Variants in PHEX observed in about 807,000 individuals in gnomAD.
PHEX encodes the protein phosphate-regulating neutral endopeptidase PHEX.
In PHEX, 16 loss-of-function variants were observed where a neutral mutation model predicts 68.0. The observed-to-expected ratio is 0.24, with a 90% CI of 0.16 to 0.36. The LOEUF (loss-of-function observed/expected upper bound fraction) is 0.36, where lower values mean the gene tolerates loss of function less well. PHEX is among the 10% of genes least tolerant of loss of function. The pLI, the probability that PHEX is intolerant of heterozygous loss-of-function variation, is 1.00. For missense variants in PHEX, 480 were observed against 575.5 expected (o/e 0.83, Z 1.70); for synonymous variants, 208 against 205.1 (o/e 1.01, Z -0.12).
In PHEX at chrX:22,152,741, T is replaced by TG. The variant is rs958198430; in HGVS notation, c.1405-15567dup. Among the ~76,000 whole-genome samples, 9 of 112,011 alleles carry TG rather than the reference T, an allele frequency of 8.0e-5. No individual in the cohort carries two copies. In the Middle Eastern group the frequency reaches 0.014, roughly 170 times the overall value. ...TTTTGAAGGTGGAAGGGTTATTCAC[T>TG]GGGGAGGTACCCAGGGGAGTCTTCA... On this transcript the variant is annotated intron_variant, in intron 12 of 21. Transcript: ENST00000379374.
intron 12 of PHEX, among the ~76,000 whole-genome samples, chrX:22,136,710 G>C (rs191777825): frequency 4.6e-4 from 51 of 111,824 alleles, no homozygotes; most frequent in African/African-American, 1.6e-3. Context: ...CTTGGCTTTT[G>C]TAGCAATGAC....
intron 3 of PHEX, among the ~76,000 whole-genome samples, chrX:22,055,174 CAAAAAAAAAAAAAAAAAAAAAAA>C (rs111628195): frequency 1.2e-4 from 8 of 66,104 alleles, no homozygotes; most frequent in Admixed American, 2.2e-4. Flanking sequence ...GACTCCAGCT[CAAAAAAAAAAAAAAAAAAAAAAA>C]AAAAAAAAAA....
rs1356031680 is a variant in PHEX at position 22,064,308 on chromosome X, C to A, written c.350-12080C>A. On this transcript the variant is annotated intron_variant, in intron 3 of 21. Transcript: ENST00000379374. ...ACCTCTCCCCTCTTCCCACCCTCCA[C>A]CCTCAAGTAGGCCCCAGTATCTGTT... 6.3e-5 allele frequency among the ~76,000 whole-genome samples: 7 copies of A among 110,979 alleles called. No individual in the cohort carries two copies. The Admixed American group carries it at 6.8e-4, about 11-fold the overall frequency.
At chrX:22,181,415 G>A (rs1481507726) in intron 14 of PHEX, among the ~76,000 whole-genome samples, 1 of 111,638 alleles carries the variant, frequency 9.0e-6, no homozygotes, top group East Asian at 2.8e-4. Context: ...TTTGAGAAAT[G>A]TCTATTCAGA....
At chrX:22,128,485 C>A (rs926247824) in intron 11 of PHEX, among the ~76,000 whole-genome samples, 1 of 110,890 alleles carries the variant, frequency 9.0e-6, no homozygotes, top group African/African-American at 3.3e-5. Flanking sequence ...TCTGGAAACA[C>A]TCAGCCCCAT....
chrX:22,132,400 C>G (rs955288206), intron 11 of PHEX, among the ~76,000 whole-genome samples: 1 of 111,698 alleles, frequency 9.0e-6, no homozygotes, highest in Non-Finnish European at 1.9e-5. Context: ...GAGCCACTGC[C>G]CCTGGCCTAT....
At chrX:22,151,832 G>C (rs945304343) in intron 12 of PHEX, among the ~76,000 whole-genome samples, 2 of 111,317 alleles carry the variant, frequency 1.8e-5, no homozygotes, top group African/African-American at 6.5e-5. Context: ...GGGGCTCTCA[G>C]TCAAAGTTTA....
At chrX:22,122,498 T>C (rs1337790715) in intron 11 of PHEX, among the ~76,000 whole-genome samples, 1 of 112,120 alleles carries the variant, frequency 8.9e-6, no homozygotes, top group Non-Finnish European at 1.9e-5. Context: ...TGATAGCTCA[T>C]AGCCCAGCTC....
intron 3 of PHEX, among the ~76,000 whole-genome samples, chrX:22,051,432 G>A (rs1284000486): frequency 9.0e-6 from 1 of 111,311 alleles, no homozygotes; most frequent in East Asian, 2.8e-4. Flanking sequence ...TTAGGAGGCT[G>A]AGGCAGGAGA....
chrX:22,053,342 A>C (rs1468145439), intron 3 of PHEX, among the ~76,000 whole-genome samples: 1 of 112,061 alleles, frequency 8.9e-6, no homozygotes, highest in Non-Finnish European at 1.9e-5. Flanking sequence ...ACGGCTGTCC[A>C]ATTTGTGAAA....
intron 20 of PHEX, among the ~76,000 whole-genome samples, chrX:22,236,949 A>G (rs1936002854): frequency 8.9e-6 from 1 of 112,580 alleles, no homozygotes; most frequent in Non-Finnish European, 1.9e-5. Context: ...TTGTAAACTA[A>G]AGAGATAGAT....
intron 3 of PHEX, among the ~76,000 whole-genome samples, chrX:22,059,239 A>G (rs1255005570): frequency 8.9e-6 from 1 of 111,867 alleles, no homozygotes; most frequent in Non-Finnish European, 1.9e-5. Context: ...GTTTTCACTA[A>G]CCTCTCACAG....
intron 9 of PHEX, among the ~76,000 whole-genome samples, chrX:22,107,809 A>G (rs1208857075): frequency 8.9e-6 from 1 of 111,991 alleles, no homozygotes; most frequent in East Asian, 2.8e-4. Context: ...CTGCTCAGCT[A>G]AAAGCTTCAG....
chrX:22,099,302 G>A (rs1930312249), intron 9 of PHEX, 151 bp downstream of exon 9: 8 of 533,179 alleles, frequency 1.5e-5, no homozygotes, highest in Middle Eastern at 5.3e-4. Context: ...TGATGAACTG[G>A]CCAAAAGCAC....
chrX:22,150,683 C>T (rs1602339675), intron 12 of PHEX, among the ~76,000 whole-genome samples: 1 of 112,171 alleles, frequency 8.9e-6, no homozygotes, highest in East Asian at 2.8e-4. Flanking sequence ...TTCCCTGTCT[C>T]AAGTTTTTGA....
chrX:22,152,196 G>A (rs1365519753), intron 12 of PHEX, among the ~76,000 whole-genome samples: 1 of 109,859 alleles, frequency 9.1e-6, no homozygotes, highest in Non-Finnish European at 1.9e-5. Flanking sequence ...GGGGTGAGTT[G>A]CGCTCATTTT....
chrX:22,130,697 C>T (rs756579861), intron 11 of PHEX, among the ~76,000 whole-genome samples: 1 of 110,867 alleles, frequency 9.0e-6, no homozygotes, highest in South Asian at 3.9e-4. Flanking sequence ...TTCCCTTTCA[C>T]TCCCTGGCAT....
Position 22,227,500 on chromosome X carries a change from T to C in PHEX, c.1966-7T>C. 3 of 1,168,587 alleles carry C rather than the reference T, an allele frequency of 2.6e-6. No individual in the cohort carries two copies. The highest frequency in any genetic ancestry group is 3.5e-6 in the Non-Finnish European group (3 of 856,094). On this transcript the variant is annotated splice_region_variant and splice_polypyrimidine_tract_variant and intron_variant, in intron 19 of 21. Coordinates refer to ENST00000379374, the MANE Select transcript of PHEX (RefSeq NM_000444.6). ...CAGAGACTCATCTCTTCTTCTTCTC[T>C]CACCAGGCTTACAGGAAATGGATAA... is the stretch of plus-strand genomic sequence containing the variant.
intron 3 of PHEX, among the ~76,000 whole-genome samples, chrX:22,074,701 G>C (rs1929066539): frequency 1.8e-5 from 2 of 111,167 alleles, no homozygotes; most frequent in African/African-American, 6.6e-5. Context: ...GAAGGGTACA[G>C]GAGCCGATTT....
Sources: allele counts gnomAD v4.1 joint callset (sites outside exome capture counted in the v4.1 genomes callset), GRCh38; gene constraint gnomAD v4.1.1; transcripts MANE v1.5; gene names NCBI Gene and HGNC (gene_info 2026-07-23, HGNC 2026-07-21).